DPH6: variants seen among roughly 807,000 people sequenced by gnomAD.
The protein encoded by DPH6 is diphthine--ammonia ligase.
A neutral mutation model predicts 38.2 loss-of-function variants in DPH6; 33 were observed. The ratio of observed to expected loss-of-function variants is 0.86; its 90% CI spans 0.65 to 1.15. DPH6 has a LOEUF of 1.15. Ranked by LOEUF, DPH6 falls within the 50% of genes most tolerant of loss-of-function variation. The pLI is 0.00. For missense variants in DPH6, 325 were observed against 320.0 expected (o/e 1.02, Z -0.12); for synonymous variants, 108 against 103.0 (o/e 1.05, Z -0.30).
intron 5 of DPH6, among the ~76,000 whole-genome samples, chr15:35,428,620 C>T (rs889371946): frequency 1.2e-4 from 19 of 152,212 alleles, no homozygotes; most frequent in Admixed American, 9.8e-4. Flanking sequence ...ATGCCACACA[C>T]GCTAAGACCT....
intron 4 of DPH6, among the ~76,000 whole-genome samples, chr15:35,452,204 T>C (rs1020256176): frequency 2.0e-5 from 3 of 152,174 alleles, no homozygotes; most frequent in African/African-American, 7.2e-5. Flanking sequence ...ATTACACTAG[T>C]TTCGTGCCTT....
downstream of DPH6, among the ~76,000 whole-genome samples, chr15:35,328,848 G>A (rs1213595657): frequency 1.3e-5 from 2 of 152,144 alleles, no homozygotes; most frequent in African/African-American, 2.4e-5. Flanking sequence ...ACAGTTCCAC[G>A]TGGCTGGGGA....
chr15:35,535,173 ACAC>A (rs2055150671), intron 3 of DPH6, among the ~76,000 whole-genome samples: 1 of 152,194 alleles, frequency 6.6e-6, no homozygotes, highest in Non-Finnish European at 1.5e-5. Context: ...ACATTTCAGT[ACAC>A]CAAGCATAAA....
At chr15:35,168,611 T>C in the DPH6 span, among the ~76,000 whole-genome samples, 1 of 152,100 alleles carries the variant, frequency 6.6e-6, no homozygotes, top group Non-Finnish European at 1.5e-5. Context: ...GCCATTAGTA[T>C]AACGCACAGC....
chr15:35,424,786 G>T (rs1016140204), intron 5 of DPH6, among the ~76,000 whole-genome samples: 3 of 151,516 alleles, frequency 2.0e-5, no homozygotes, highest in Non-Finnish European at 4.4e-5. Flanking sequence ...AATATATCAG[G>T]ACTGAAAAAC....
chr15:35,529,260 T>C (rs969819848), intron 3 of DPH6, among the ~76,000 whole-genome samples: 10 of 152,118 alleles, frequency 6.6e-5, no homozygotes, highest in African/African-American at 2.4e-4. Context: ...TCAGGAAACT[T>C]ACAATCATGG....
chr15:35,474,943 A>G (rs532593404), intron 3 of DPH6, among the ~76,000 whole-genome samples: 8 of 152,150 alleles, frequency 5.3e-5, no homozygotes, highest in Admixed American at 4.6e-4. Flanking sequence ...AAACTTGGAT[A>G]CAATCACATT....
chr15:35,266,909 G>C (rs1024740085), intron 3 of DPH6, among the ~76,000 whole-genome samples: 2 of 151,942 alleles, frequency 1.3e-5, no homozygotes, highest in Non-Finnish European at 2.9e-5. Context: ...CATTAATACA[G>C]AAATAAAATG....
At chr15:35,295,947 A>G (rs1414385020) in intron 3 of DPH6, among the ~76,000 whole-genome samples, 1 of 150,352 alleles carries the variant, frequency 6.7e-6, no homozygotes, top group Non-Finnish European at 1.5e-5. Context: ...TTTGAGATAG[A>G]GTCTCGCTCT....
At chr15:35,336,726 C>T (rs2052376022) in intron 3 of DPH6, among the ~76,000 whole-genome samples, 1 of 152,152 alleles carries the variant, frequency 6.6e-6, no homozygotes, top group Admixed American at 6.5e-5. Context: ...GTCTTTGGTT[C>T]TGTTTATATG....
At chr15:35,152,198 A>G in the DPH6 span, among the ~76,000 whole-genome samples, 3 of 152,176 alleles carry the variant, frequency 2.0e-5, no homozygotes, top group Non-Finnish European at 4.4e-5. Flanking sequence ...TAGTTTTCTT[A>G]TACATCATTT....
At chr15:35,400,454 A>G (rs2879598) in intron 6 of DPH6, among the ~76,000 whole-genome samples, 3,223 of 152,232 alleles carry the variant, frequency 0.021, 103 homozygotes, top group African/African-American at 0.074. Flanking sequence ...AAGTCAATAA[A>G]TAATACAAAT....
At chr15:35,266,465 C>A (rs542584437) in intron 3 of DPH6, among the ~76,000 whole-genome samples, 24 of 152,268 alleles carry the variant, frequency 1.6e-4, no homozygotes, top group African/African-American at 5.1e-4. Context: ...GATTGTTAAT[C>A]TCTGGCAAAT....
chr15:35,448,984 ATT>A (rs372406775), intron 5 of DPH6, among the ~76,000 whole-genome samples: 3 of 136,578 alleles, frequency 2.2e-5, no homozygotes, highest in African/African-American at 5.3e-5. Context: ...TTATTGTCTC[ATT>A]TTTTTTTTTT....
chr15:35,162,279 C>G, the DPH6 span, among the ~76,000 whole-genome samples: 1 of 151,916 alleles, frequency 6.6e-6, no homozygotes, highest in Admixed American at 6.6e-5. Flanking sequence ...TGCTACTTTC[C>G]CTGCCTGAAA....
chr15:35,458,984 A>G (rs1211269717), intron 3 of DPH6, among the ~76,000 whole-genome samples: 3 of 152,210 alleles, frequency 2.0e-5, no homozygotes, highest in Non-Finnish European at 2.9e-5. Context: ...AATGGGACCA[A>G]TGTTTCTACC....
rs58580024 is a variant in DPH6, at chr15:35,262,705, C to CAAAAAA, written n.201-42129_201-42124dup. Among the ~76,000 whole-genome samples, 15 of 82,626 alleles carry CAAAAAA rather than the reference C, an allele frequency of 1.8e-4. 3 individuals carry two copies. The highest frequency in any genetic ancestry group is 8.3e-4 in the African/African-American group (13 of 15,718). The allele number at this position is 82,626 out of a possible 152,430, so 54.2% of individuals were successfully genotyped here. On this transcript the variant is annotated intron_variant and non_coding_transcript_variant, in intron 3 of 3. Transcript: ENST00000560386. ...TGCGAAACAGAGCAAGACTCCGTCTCAAAAAAAAAAAAAAAAAAAAAAAAA... is the reference window on the plus strand; with the variant it reads ...TGCGAAACAGAGCAAGACTCCGTCTCAAAAAAAAAAAAAAAAAAAAAAAAAAAAAAA...
intron 3 of DPH6, among the ~76,000 whole-genome samples, chr15:35,359,938 T>G (rs2052599661): frequency 6.6e-6 from 1 of 152,178 alleles, no homozygotes; most frequent in Admixed American, 6.5e-5. Context: ...TAGTTGTCTA[T>G]CTTTGTCCTC....
At chr15:35,520,046 T>C (rs1822533) in intron 3 of DPH6, 5,199 of 153,500 alleles carry the variant, frequency 0.034, 280 homozygotes, top group African/African-American at 0.11. Flanking sequence ...GAATCCTCTT[T>C]ACAATCAATA....
Sources: allele counts gnomAD v4.1 joint callset (sites outside exome capture counted in the v4.1 genomes callset), GRCh38; gene constraint gnomAD v4.1.1; transcripts MANE v1.5; gene names NCBI Gene and HGNC (gene_info 2026-07-23, HGNC 2026-07-21).